Variants in SPAG17 observed in about 807,000 individuals in gnomAD.
SPAG17 encodes the protein sperm associated antigen 17, also known as sperm-associated antigen 17.
SPAG17 carries 169 observed loss-of-function variants against 273.6 expected under a neutral mutation model. That is an observed-to-expected ratio of 0.62 (90% CI 0.55 to 0.70). The LOEUF (loss-of-function observed/expected upper bound fraction) is 0.70. Ranked by LOEUF, SPAG17 falls within the 30% of genes least tolerant of loss-of-function variation. The probability of loss-of-function intolerance (pLI) is 0.00; values close to 1 mark genes in which losing one functional copy is unlikely to be tolerated. For synonymous variants in SPAG17, 825 were observed against 873.2 expected (o/e 0.94, Z 0.97); for missense variants, 2,557 against 2,627.8 (o/e 0.97, Z 0.59).
chr1:117,970,445 C>T (rs576181835), intron 45 of SPAG17, among the ~76,000 whole-genome samples: 3 of 152,272 alleles, frequency 2.0e-5, no homozygotes, highest in East Asian at 1.9e-4. Context: ...CCAGCATGAA[C>T]GCAAATGCTG....
In SPAG17 at chr1:118,008,194, C is replaced by T; in HGVS notation, c.4437G>A (p.Glu1479=). The change falls in exon 31 of 49, where the codon GAG becomes GAA. Residue 1479 remains glutamate (E), a synonymous_variant. Coordinates refer to ENST00000336338, the MANE Select transcript of SPAG17 (RefSeq NM_206996.4). ...CCTGCCTGGTGACAGTCCGAGGACC[C>T]TCGGCTACAAGCAAATGCAAGGTAA... is the stretch of plus-strand genomic sequence containing the variant. The part of the protein sequence containing the change: ...IILPDDQETT[E]GPRTVTRQVK... 1 of 1,613,692 alleles carries T rather than the reference C, an allele frequency of 6.2e-7. No individual in the cohort carries two copies. Among genetic ancestry groups the T allele is most frequent in the Non-Finnish European group, 8.5e-7 (1 of 1,179,884 alleles).
At chr1:118,052,055 A>C (rs1651104322) in intron 20 of SPAG17, among the ~76,000 whole-genome samples, 1 of 141,198 alleles carries the variant, frequency 7.1e-6, no homozygotes, top group African/African-American at 2.6e-5. Flanking sequence ...TAGTTATAAT[A>C]TATAGTATAA....
In SPAG17 at chr1:118,117,695, G is replaced by A. The variant is rs568823267; in HGVS notation, c.316-2254C>T. 6.4e-4 allele frequency among the ~76,000 whole-genome samples: 97 copies of A among 152,286 alleles called. 1 individual carries two copies. Among genetic ancestry groups the A allele is most frequent in the African/African-American group, 1.9e-3 (80 of 41,558 alleles). ...GTGCCCTGGGTGGTGTCCTCCTCCC[G>A]AACTGCCCTGGGGCGGCCCACATGG... On this transcript the variant is annotated intron_variant, in intron 3 of 48. Transcript: ENST00000336338.
At chr1:118,022,798 A>T (rs1273038360) in intron 28 of SPAG17, among the ~76,000 whole-genome samples, 2 of 152,198 alleles carry the variant, frequency 1.3e-5, no homozygotes, top group Non-Finnish European at 2.9e-5. Flanking sequence ...AATGACATAA[A>T]GACAGGTCTG....
chr1:118,013,877 A>C (rs1659713767), intron 29 of SPAG17, among the ~76,000 whole-genome samples: 1 of 152,122 alleles, frequency 6.6e-6, no homozygotes, highest in Admixed American at 6.6e-5. Context: ...TCAACAGGTA[A>C]TGACTATTAT....
At chr1:118,104,430 G>T (rs1656262065) in intron 4 of SPAG17, among the ~76,000 whole-genome samples, 1 of 152,186 alleles carries the variant, frequency 6.6e-6, no homozygotes, top group Non-Finnish European at 1.5e-5. Context: ...AGGTCAAGAA[G>T]GTAGTTCAAT....
intron 29 of SPAG17, among the ~76,000 whole-genome samples, chr1:118,013,040 C>T (rs956247554): frequency 2.0e-5 from 3 of 152,162 alleles, no homozygotes; most frequent in African/African-American, 7.2e-5. Context: ...CAGCTTTTAC[C>T]TCTGCCCATT....
chr1:118,060,887 A>G (rs951058851), intron 18 of SPAG17, among the ~76,000 whole-genome samples: 1 of 152,134 alleles, frequency 6.6e-6, no homozygotes, highest in Admixed American at 6.5e-5. Flanking sequence ...TGTCTTTGCA[A>G]TTTAAGAAGC....
intron 3 of SPAG17, among the ~76,000 whole-genome samples, chr1:118,132,489 C>T (rs1365768882): frequency 6.6e-6 from 1 of 152,152 alleles, no homozygotes; most frequent in African/African-American, 2.4e-5. Flanking sequence ...TTCATATGAG[C>T]AAAACCCCAG....
chr1:118,123,922 T>G (rs970365288), intron 3 of SPAG17, among the ~76,000 whole-genome samples: 1 of 152,196 alleles, frequency 6.6e-6, no homozygotes, highest in Admixed American at 6.5e-5. Context: ...TAATTTAAAA[T>G]GTAATGAATT....
In SPAG17 at chr1:117,953,914, A is replaced by C; in HGVS notation, c.*136T>G. On this transcript the variant is annotated 3_prime_UTR_variant, in exon 49 of 49. Transcript: ENST00000336338. The stretch of plus-strand genomic sequence containing the variant: ...TTATTAAACAGATTGAAGCTATTTC[A>C]TTTGGCAAATTTCTGGTCAGTTCTT... 2 of 1,040,940 alleles carry C rather than the reference A, an allele frequency of 1.9e-6. No homozygotes were observed. Among genetic ancestry groups the C allele is most frequent in the South Asian group, 3.1e-5 (2 of 64,164 alleles). The allele number at this position is 1,040,940 out of a possible 1,614,324, so 64.5% of individuals were successfully genotyped here.
intron 4 of SPAG17, among the ~76,000 whole-genome samples, chr1:118,108,891 T>C (rs566293282): frequency 2.0e-5 from 3 of 152,162 alleles, no homozygotes; most frequent in Non-Finnish European, 4.4e-5. Flanking sequence ...AAGTGACACC[T>C]ATCTAGAACA....
chr1:118,180,120 G>T (rs1024096047), intron 1 of SPAG17, among the ~76,000 whole-genome samples: 1 of 151,920 alleles, frequency 6.6e-6, no homozygotes, highest in African/African-American at 2.4e-5. Flanking sequence ...TGATATCAAT[G>T]TATCAAAGAA....
At chr1:118,054,338 T>A (rs550309509) in intron 19 of SPAG17, among the ~76,000 whole-genome samples, 2 of 150,784 alleles carry the variant, frequency 1.3e-5, no homozygotes, top group East Asian at 1.9e-4. Flanking sequence ...ATGTTGCAGC[T>A]TTTATTGAAC....
At position 118,008,828 on chromosome 1, in the gene SPAG17, G is replaced by A. The variant is rs1659176444; in HGVS notation, c.4433-630C>T. On this transcript the variant is annotated intron_variant, in intron 30 of 48. Transcript: ENST00000336338. ...TCCATCCATCTATCTATACATATATGTGTGCATAGATATATTTATTTGTGT... is the reference window on the plus strand; with the variant it reads ...TCCATCCATCTATCTATACATATATATGTGCATAGATATATTTATTTGTGT... 2.0e-5 allele frequency among the ~76,000 whole-genome samples: 3 copies of A among 152,196 alleles called. No homozygotes were observed. In the South Asian group the frequency reaches 6.2e-4, roughly 32 times the overall value.
chr1:118,050,948 A>C (rs1650939322), intron 20 of SPAG17, among the ~76,000 whole-genome samples: 1 of 151,968 alleles, frequency 6.6e-6, no homozygotes, highest in African/African-American at 2.4e-5. Flanking sequence ...CAACAAAGCG[A>C]AGAAATAACC....
intron 3 of SPAG17, among the ~76,000 whole-genome samples, chr1:118,147,499 G>A (rs1009163418): frequency 6.1e-5 from 8 of 131,412 alleles, no homozygotes; most frequent in Admixed American, 3.7e-4. Flanking sequence ...ATTCCCACAT[G>A]AGTTCTTGAA....
chr1:117,963,119 A>C (rs1653321121), intron 48 of SPAG17: 1 of 152,178 alleles, frequency 6.6e-6, no homozygotes, highest in African/African-American at 2.4e-5. Context: ...AACACAGTAC[A>C]CATTGTGTAA....
intron 48 of SPAG17, chr1:117,954,705 A>T: frequency 7.1e-7 from 1 of 1,416,092 alleles, no homozygotes; most frequent in Non-Finnish European, 9.8e-7. Flanking sequence ...TAGAGGCATT[A>T]TGATTTGGGG....
Sources: allele counts gnomAD v4.1 joint callset (sites outside exome capture counted in the v4.1 genomes callset), GRCh38; gene constraint gnomAD v4.1.1; transcripts MANE v1.5; gene names NCBI Gene and HGNC (gene_info 2026-07-23, HGNC 2026-07-21).